The following DGCR2 variants were observed in gnomAD, a reference collection of about 807,000 sequenced individuals.
The protein encoded by DGCR2 is DiGeorge syndrome critical region gene 2.
DGCR2 carries 24 observed loss-of-function variants against 51.6 expected under a neutral mutation model. That is an observed-to-expected ratio of 0.47 (90% CI 0.34 to 0.65). DGCR2 has a LOEUF of 0.65. Among genes scored for constraint, DGCR2 ranks in the 30% least tolerant of loss-of-function variants. The pLI is 0.01. For missense variants in DGCR2, 765 were observed against 772.1 expected, an observed-to-expected ratio of 0.99 and a Z score of 0.11; for synonymous variants, 340 against 315.4, an observed-to-expected ratio of 1.08 and a Z score of -0.82.
At chr22:19,111,305 C>T (rs2083311914) in intron 1 of DGCR2, among the ~76,000 whole-genome samples, 2 of 152,206 alleles carry the variant, frequency 1.3e-5, no homozygotes, top group Non-Finnish European at 2.9e-5. Context: ...GAACTGTGAA[C>T]ACTAGCGATG....
At chr22:19,071,220 C>T (rs529115003) in intron 2 of DGCR2, among the ~76,000 whole-genome samples, 1 of 152,344 alleles carries the variant, frequency 6.6e-6, no homozygotes, top group Admixed American at 6.5e-5. Flanking sequence ...TGTGCCCCTC[C>T]TGCCTCCAGC....
intron 5 of DGCR2, chr22:19,060,958 G>T: frequency 2.2e-6 from 1 of 447,512 alleles, no homozygotes. Context: ...ACCCCAATCT[G>T]GAACATATTA....
chr22:19,041,332 G>A, intron 8 of DGCR2, 38 bp from the exon 9 acceptor site: 2 of 1,596,330 alleles, frequency 1.3e-6, no homozygotes, highest in Non-Finnish European at 1.7e-6. Context: ...ACAGAGACAA[G>A]TCACTGGGGG....
chr22:19,041,292 GCACTGGGC>G lies in DGCR2; in HGVS notation c.1160-6_1161del, dbSNP rs1382331041. 3.1e-6 allele frequency: 5 copies of G among 1,613,526 alleles called. No homozygotes were observed. Among genetic ancestry groups the G allele is most frequent in the Non-Finnish European group, 4.2e-6 (5 of 1,179,840 alleles). On this transcript the variant is annotated splice_acceptor_variant and splice_polypyrimidine_tract_variant and coding_sequence_variant and intron_variant, in exon 9 of 10. Transcript: ENST00000263196. LOFTEE classifies it high-confidence loss of function. ...ATCCTGCGGCCGAGGTTGAAGTGGT[GCACTGGGC>G]CATCAAAAGTGTGCAACGGGAACAG... is the stretch of plus-strand genomic sequence containing the variant.
chr22:19,083,724 C>T (rs1391851045), intron 2 of DGCR2, among the ~76,000 whole-genome samples: 2 of 108,456 alleles, frequency 1.8e-5, no homozygotes, highest in East Asian at 2.9e-4. Flanking sequence ...CCTCTCCCCA[C>T]GGTCTCCCTC....
chr22:19,048,419 A>T, intron 7 of DGCR2, 21 bp downstream of exon 7: 2 of 1,613,330 alleles, frequency 1.2e-6, no homozygotes, highest in Non-Finnish European at 1.7e-6. Flanking sequence ...CTGACTTGGG[A>T]CGTCCTATCA....
chr22:19,076,120 C>T (rs182598484), intron 2 of DGCR2, among the ~76,000 whole-genome samples: 3 of 141,714 alleles, frequency 2.1e-5, no homozygotes, highest in African/African-American at 8.4e-5. Context: ...CCATGACGCC[C>T]AGCTAATTTT....
intron 2 of DGCR2, among the ~76,000 whole-genome samples, chr22:19,083,489 A>G (rs1408124123): frequency 6.6e-6 from 1 of 152,194 alleles, no homozygotes; most frequent in Non-Finnish European, 1.5e-5. Flanking sequence ...AAACTCACGG[A>G]GCTTTAAAGA....
At position 19,057,152 on chromosome 22, in the gene DGCR2, C is replaced by T. The variant is rs551345973; in HGVS notation, c.636G>A (p.Glu212=). Residue 212 remains glutamate (E), a synonymous_variant, in exon 6 of 10, where the codon GAG becomes GAA. Coordinates refer to ENST00000263196, the MANE Select transcript of DGCR2 (RefSeq NM_005137.3). The surrounding 1 kb of genome is among the most constrained non-coding windows in gnomAD (Gnocchi z 5.1). ...RWEVAFKGSS[E]VFLPPDPIFA... ...AGATGGGGTCTGGGGGCAGGAACACCTCTGAAGAGCCTGTTGGGGAGACAA... is the reference window on the plus strand; with the variant it reads ...AGATGGGGTCTGGGGGCAGGAACACTTCTGAAGAGCCTGTTGGGGAGACAA... 59 of 1,604,294 alleles carry T rather than the reference C, an allele frequency of 3.7e-5. No individual in the cohort carries two copies. The highest frequency in any genetic ancestry group is 1.7e-4 in the Middle Eastern group (1 of 5,988).
intron 1 of DGCR2, among the ~76,000 whole-genome samples, chr22:19,110,221 T>C (rs1483400005): frequency 2.0e-5 from 3 of 152,252 alleles, no homozygotes; most frequent in African/African-American, 4.8e-5. Flanking sequence ...AGCTATTACA[T>C]GCCAAGTGCT....
chr22:19,064,716 G>A, intron 4 of DGCR2, 132 bp downstream of exon 4: 1 of 809,628 alleles, frequency 1.2e-6, no homozygotes. Context: ...GGCTTCCAGT[G>A]GGCGAGGCTG....
At chr22:19,113,386 A>T (rs1442503745) in intron 1 of DGCR2, among the ~76,000 whole-genome samples, 5 of 152,236 alleles carry the variant, frequency 3.3e-5, no homozygotes, top group African/African-American at 9.6e-5. Flanking sequence ...TAAAAATAAA[A>T]AAAAAAAAAT....
chr22:19,051,865 T>C (rs2082552101), intron 6 of DGCR2, among the ~76,000 whole-genome samples: 1 of 152,026 alleles, frequency 6.6e-6, no homozygotes, highest in African/African-American at 2.4e-5. Context: ...ATTGAAACCA[T>C]AAGGAGCCAC....
At chr22:19,111,848 TTTTA>T (rs1334475958) in intron 1 of DGCR2, among the ~76,000 whole-genome samples, 4 of 99,484 alleles carry the variant, frequency 4.0e-5, no homozygotes, top group East Asian at 2.7e-4. Context: ...TGTTTTTATT[TTTTA>T]TTTATTTATT....
chr22:19,067,716 A>G (rs2082765193), intron 3 of DGCR2, among the ~76,000 whole-genome samples: 1 of 151,950 alleles, frequency 6.6e-6, no homozygotes, highest in Admixed American at 6.6e-5. Context: ...AAATAAATAA[A>G]TAAATAAATA....
intron 1 of DGCR2, among the ~76,000 whole-genome samples, chr22:19,117,410 C>G (rs1032795926): frequency 6.6e-6 from 1 of 152,242 alleles, no homozygotes; most frequent in African/African-American, 2.4e-5. Context: ...TGGGCTTTAA[C>G]TACAGGGCTT....
Position 19,064,903 on chromosome 22 carries a change from G to T in DGCR2, c.493C>A (p.Leu165Met). 6.2e-7 allele frequency: 1 copy of T among 1,613,930 alleles called. No individual in the cohort carries two copies. Among genetic ancestry groups the T allele is most frequent in the Non-Finnish European group, 8.5e-7 (1 of 1,180,038 alleles). The change falls in exon 4 of 10, where the codon CTG (leucine) becomes ATG (methionine). Residue 165 changes from leucine (L) to methionine (M), a missense_variant. This residue lies in a region of DGCR2 where 370 missense variants were observed against 325.5 expected (regional missense o/e 1.14). Transcript: ENST00000263196. Reference sequence around the variant, plus strand: ...TCGGGCTGGTCCCATTCCTGGGCCAGGACAAAGCGCAGCTCCTGGTCAGTG... The same window carrying T: ...TCGGGCTGGTCCCATTCCTGGGCCATGACAAAGCGCAGCTCCTGGTCAGTG... ...FSTDQELRFV[L>M]AQEWDQPERS...
At chr22:19,089,340 G>A (rs761847453) in intron 2 of DGCR2, 28 bp downstream of exon 2, 5 of 1,556,944 alleles carry the variant, frequency 3.2e-6, no homozygotes, top group East Asian at 4.7e-5. Context: ...ACAAGGTGGT[G>A]TGTACCCCGC....
chr22:19,073,612 A>G (rs1390054655), intron 2 of DGCR2, among the ~76,000 whole-genome samples: 1 of 152,218 alleles, frequency 6.6e-6, no homozygotes, highest in African/African-American at 2.4e-5. Context: ...AGAATCAAAA[A>G]TTATGTCACC....
Sources: gnomAD v4.1 joint callset for allele counts (sites outside exome capture counted in the v4.1 genomes callset) on GRCh38, gnomAD v4.1.1 for gene constraint, gnomAD v4.1.1 regional missense constraint, Gnocchi (gnomAD v3.1) non-coding constraint, MANE v1.5 for transcripts, NCBI Gene and HGNC (gene_info 2026-07-23, HGNC 2026-07-21) for gene names.